Variants in ICE1 observed in about 807,000 individuals in gnomAD.
ICE1 encodes little elongation complex subunit 1.
Under a neutral mutation model 192.7 loss-of-function variants are expected in ICE1, and 64 were observed. That is an observed-to-expected ratio of 0.33 (90% CI 0.27 to 0.41). The LOEUF (loss-of-function observed/expected upper bound fraction) is 0.41, where lower values mean the gene tolerates loss of function less well. Among genes scored for constraint, ICE1 ranks in the 10% least tolerant of loss-of-function variants. ICE1 has a pLI of 1.00. For synonymous variants in ICE1, 1,010 were observed against 984.5 expected (o/e 1.03, Z -0.49); for missense variants, 2,708 against 2,696.0 (o/e 1.00, Z -0.10).
At chr5:5,447,335 T>C (rs1738260302) in intron 7 of ICE1, 92 bp from the exon 8 acceptor site, 17 of 788,574 alleles carry the variant, frequency 2.2e-5, no homozygotes, top group Non-Finnish European at 3.2e-5. Flanking sequence ...TGAGAAAAAC[T>C]TGTAATAGAT....
intron 1 of ICE1, among the ~76,000 whole-genome samples, chr5:5,430,126 A>G (rs763620596): frequency 6.6e-6 from 1 of 152,176 alleles, no homozygotes; most frequent in Non-Finnish European, 1.5e-5. Flanking sequence ...GAGGAAGAAC[A>G]CCTTGAACCT....
Position 5,464,937 on chromosome 5 carries a change from A to G in ICE1, c.5603A>G (p.His1868Arg). Residue 1868 changes from histidine to arginine, a missense_variant, in exon 13 of 19, where the codon CAC (histidine) becomes CGC (arginine). This residue lies in a region of ICE1 where 2,366 missense variants were observed against 2,276.6 expected (regional missense o/e 1.04). Coordinates refer to ENST00000296564, the MANE Select transcript of ICE1 (RefSeq NM_015325.3). The surrounding 1 kb of genome is among the most constrained non-coding windows in gnomAD (Gnocchi z 4.0). Reference sequence around the variant, plus strand: ...AGGGGAGTCACTGCAGAAGGAATCCACAAAAACCTCCCAGGGAACCTCCCT... The same window carrying G: ...AGGGGAGTCACTGCAGAAGGAATCCGCAAAAACCTCCCAGGGAACCTCCCT... ...ETRGVTAEGIHKNLPGNLPPA... is the reference protein window; with the variant it reads ...ETRGVTAEGIRKNLPGNLPPA... 1.2e-6 allele frequency: 2 copies of G among 1,613,652 alleles called. No individual in the cohort carries two copies. The highest frequency in any genetic ancestry group is 1.1e-5 in the South Asian group (1 of 90,990).
Position 5,462,978 on chromosome 5 carries a change from TAGG to T in ICE1, c.3647_3649del (p.Gly1216del), listed in dbSNP as rs774795429. The T allele has an allele frequency of 3.7e-5, 59 of 1,613,014 alleles. No individual in the cohort carries two copies. Among genetic ancestry groups the T allele is most frequent in the South Asian group, 6.6e-5 (6 of 90,882 alleles). ...AACAAAGAATTAAAGGCAAGTGAAA[TAGG>T]AGAAAAATACAGAAAGCAACCCTGT... On this transcript the variant is annotated inframe_deletion, in exon 13 of 19. Coordinates refer to ENST00000296564, the MANE Select transcript of ICE1 (RefSeq NM_015325.3).
At chr5:5,454,317 C>T (rs572119077) in intron 10 of ICE1, among the ~76,000 whole-genome samples, 118 of 152,232 alleles carry the variant, frequency 7.8e-4, no homozygotes, top group African/African-American at 2.5e-3. Context: ...GCCTCTGCCA[C>T]CAATTTTTTT....
At position 5,464,849 on chromosome 5, in the gene ICE1, A is replaced by C. The variant is rs148407825; in HGVS notation, c.5515A>C (p.Thr1839Pro). 1.2e-6 allele frequency: 2 copies of C among 1,613,290 alleles called. No homozygotes were observed. Among genetic ancestry groups the C allele is most frequent in the Non-Finnish European group, 1.7e-6 (2 of 1,179,546 alleles). The change falls in exon 13 of 19, where the codon ACG (threonine) becomes CCG (proline). Residue 1839 changes from threonine (T) to proline (P), a missense_variant. By Grantham distance (38) the Thr-to-Pro change is conservative. Around this residue, in one of 2 missense-constraint regions of ICE1, gnomAD observed 2,366 missense variants for 2,276.6 expected, o/e 1.04. Coordinates refer to ENST00000296564, the MANE Select transcript of ICE1 (RefSeq NM_015325.3). The surrounding 1 kb of genome is among the most constrained non-coding windows in gnomAD (Gnocchi z 4.0). ...QDSSGKRTLS[T>P]STLRSAKRLR... ...TTCAAGCGGGAAAAGAACACTGTCA[A>C]CGTCTACACTGAGAAGTGCTAAAAG...
chr5:5,471,385 A>G (rs1394465448), intron 15 of ICE1, among the ~76,000 whole-genome samples: 2 of 152,092 alleles, frequency 1.3e-5, no homozygotes, highest in Non-Finnish European at 2.9e-5. Flanking sequence ...CTGAGTTTTA[A>G]TCTAATCTTT....
chr5:5,423,127 C>T, intron 1 of ICE1, 128 bp downstream of exon 1: 1 of 465,086 alleles, frequency 2.2e-6, no homozygotes, highest in Non-Finnish European at 3.5e-6. Context: ...AACCGTAGCT[C>T]TTGCTCGCTC....
chr5:5,427,787 T>G (rs1258452346), intron 1 of ICE1, among the ~76,000 whole-genome samples: 1 of 152,222 alleles, frequency 6.6e-6, no homozygotes, highest in Non-Finnish European at 1.5e-5. Context: ...TATCCTGTGT[T>G]TCAGAATACA....
intron 17 of ICE1, among the ~76,000 whole-genome samples, chr5:5,478,307 A>G (rs1207847273): frequency 6.6e-6 from 1 of 152,252 alleles, no homozygotes; most frequent in Non-Finnish European, 1.5e-5. Context: ...GCATTCCTAT[A>G]TATCAGTAAT....
chr5:5,465,277 A>G, intron 13 of ICE1, 51 bp downstream of exon 13: 1 of 1,322,968 alleles, frequency 7.6e-7, no homozygotes, highest in Non-Finnish European at 1.0e-6. Context: ...GTCCTCAAAG[A>G]CAGATGCTGT....
chr5:5,447,540 T>A, intron 8 of ICE1, 31 bp downstream of exon 8: 2 of 1,491,954 alleles, frequency 1.3e-6, no homozygotes, highest in Admixed American at 2.0e-5. Flanking sequence ...ACACACACCT[T>A]AAATACGTGG....
At chr5:5,439,685 G>A (rs1466477449) in intron 3 of ICE1, among the ~76,000 whole-genome samples, 2 of 152,018 alleles carry the variant, frequency 1.3e-5, no homozygotes, top group Non-Finnish European at 2.9e-5. Context: ...ATTTTGACTT[G>A]GTACATGTTA....
At chr5:5,471,803 G>T (rs1383633177) in intron 15 of ICE1, among the ~76,000 whole-genome samples, 1 of 152,064 alleles carries the variant, frequency 6.6e-6, no homozygotes, top group Non-Finnish European at 1.5e-5. Flanking sequence ...ATGAGTTAGG[G>T]ATTCCTGCTG....
intron 1 of ICE1, among the ~76,000 whole-genome samples, chr5:5,432,795 T>G (rs1461556158): frequency 6.6e-6 from 1 of 152,232 alleles, no homozygotes; most frequent in South Asian, 2.1e-4. Flanking sequence ...TTCGCAAATA[T>G]AATATTATTT....
intron 15 of ICE1, among the ~76,000 whole-genome samples, chr5:5,473,311 A>G (rs1739219499): frequency 6.6e-6 from 1 of 152,186 alleles, no homozygotes; most frequent in Admixed American, 6.5e-5. Flanking sequence ...ATTACAGGTA[A>G]GCTCTTTTCT....
At chr5:5,465,947 GA>G (rs1738972331) in intron 13 of ICE1, among the ~76,000 whole-genome samples, 1 of 152,092 alleles carries the variant, frequency 6.6e-6, no homozygotes, top group South Asian at 2.1e-4. Context: ...TTAGAGTTTA[GA>G]AAACAAGAAT....
rs1738743010 is a variant in ICE1, at chr5:5,460,700, C to T, written c.1366C>T (p.His456Tyr). ...TATLRESSAT[H>Y]SLVGEKHWTT... ...AACACTGAGAGAATCTTCTGCCACA[C>T]ACTCCTTAGTTGGTGAAAAACACTG... Residue 456 changes from histidine (H) to tyrosine (Y), a missense_variant, in exon 13 of 19, where the codon CAC (histidine) becomes TAC (tyrosine). Transcript: ENST00000296564. 3.1e-6 allele frequency: 5 copies of T among 1,613,974 alleles called. No homozygotes were observed. The highest frequency in any genetic ancestry group is 4.2e-6 in the Non-Finnish European group (5 of 1,179,900).
chr5:5,488,090 TTTTA>T (rs908727689), intron 18 of ICE1, among the ~76,000 whole-genome samples: 1 of 152,236 alleles, frequency 6.6e-6, no homozygotes, highest in Non-Finnish European at 1.5e-5. Flanking sequence ...TGTTACACTT[TTTTA>T]TTTGTTTGAG....
chr5:5,475,949 T>A, intron 16 of ICE1, 24 bp from the exon 17 acceptor site: 1 of 1,385,382 alleles, frequency 7.2e-7, no homozygotes, highest in Non-Finnish European at 1.0e-6. Flanking sequence ...TGAGCATACA[T>A]CTTTTCATGT....
Sources: allele counts gnomAD v4.1 joint callset (sites outside exome capture counted in the v4.1 genomes callset), GRCh38; gene constraint gnomAD v4.1.1; regional missense constraint gnomAD v4.1.1; non-coding constraint Gnocchi (gnomAD v3.1); transcripts MANE v1.5; gene names NCBI Gene and HGNC (gene_info 2026-07-23, HGNC 2026-07-21).